BUB1B: variants seen among roughly 807,000 people sequenced by gnomAD.
BUB1B encodes mitotic checkpoint serine/threonine-protein kinase BUB1 beta.
BUB1B carries 86 observed loss-of-function variants against 137.7 expected under a neutral mutation model. That is an observed-to-expected ratio of 0.62 (90% CI 0.52 to 0.75). The LOEUF is 0.75. Among genes scored for constraint, BUB1B ranks in the 30% least tolerant of loss-of-function variants. BUB1B has a pLI of 0.00. For synonymous variants in BUB1B, 420 were observed against 417.9 expected (o/e 1.00, Z -0.06); for missense variants, 1,130 against 1,236.9 (o/e 0.91, Z 1.30).
chr15:40,170,194 G>A, intron 3 of BUB1B, 73 bp downstream of exon 3: 1 of 1,404,272 alleles, frequency 7.1e-7, no homozygotes. Context: ...TTCTCAAATT[G>A]GGGTATATGG....
intron 9 of BUB1B, among the ~76,000 whole-genome samples, chr15:40,197,046 A>C (rs2037507517): frequency 1.3e-5 from 2 of 152,212 alleles, no homozygotes; most frequent in African/African-American, 4.8e-5. Context: ...TAAAGGAAGA[A>C]GTTCTGAACT....
intron 2 of BUB1B, among the ~76,000 whole-genome samples, chr15:40,166,002 G>A (rs983071990): frequency 3.3e-5 from 5 of 152,076 alleles, no homozygotes; most frequent in East Asian, 1.9e-4. Flanking sequence ...ACAGGCGTGC[G>A]CCGCCACGCC....
intron 8 of BUB1B, among the ~76,000 whole-genome samples, chr15:40,187,314 G>GACGGGATTTCACCGTGTT (rs1286906452): frequency 1.3e-4 from 20 of 151,946 alleles, no homozygotes; most frequent in Admixed American, 5.9e-4. Context: ...TTTTAGTAGA[G>GACGGGATTTCACCGTGTT]ACGGGATTTC....
intron 8 of BUB1B, among the ~76,000 whole-genome samples, chr15:40,186,644 A>C (rs1158896954): frequency 3.4e-5 from 5 of 147,742 alleles, no homozygotes. Context: ...ACGGGGTTTC[A>C]CCGTGTTAGC....
chr15:40,220,684 A>T lies in BUB1B; in HGVS notation c.3078A>T (p.Thr1026=). ...AAEMNGVFDT[T]FQSHLNKALW... ...AAATGAATGGGGTTTTTGACACTAC[A>T]TTCCAAAGTCACCTGAACAAAGCCT... The change falls in exon 23 of 23, where the codon ACA becomes ACT. Residue 1026 remains threonine (T), a synonymous_variant. Transcript: ENST00000287598. 1 of 1,614,222 alleles carries T rather than the reference A, an allele frequency of 6.2e-7. No homozygotes were observed. Among genetic ancestry groups the T allele is most frequent in the East Asian group, 2.2e-5 (1 of 44,890 alleles).
At chr15:40,182,738 T>C (rs2037309399) in intron 5 of BUB1B, among the ~76,000 whole-genome samples, 1 of 152,236 alleles carries the variant, frequency 6.6e-6, no homozygotes, top group Non-Finnish European at 1.5e-5. Flanking sequence ...CCCATATTCT[T>C]TGGCCTTCAG....
chr15:40,218,591 G>A, intron 22 of BUB1B, 29 bp downstream of exon 22: 1 of 1,507,016 alleles, frequency 6.6e-7, no homozygotes, highest in Non-Finnish European at 9.2e-7. Flanking sequence ...CAGGGTCTCT[G>A]CCTGTCCCAA....
chr15:40,190,980 C>T (rs894367994), intron 8 of BUB1B, among the ~76,000 whole-genome samples: 3 of 151,882 alleles, frequency 2.0e-5, no homozygotes, highest in Non-Finnish European at 4.4e-5. Flanking sequence ...CTCAGCTTCC[C>T]GGGTTCAACC....
At chr15:40,168,940 A>G (rs1001355707) in intron 2 of BUB1B, among the ~76,000 whole-genome samples, 6 of 152,194 alleles carry the variant, frequency 3.9e-5, no homozygotes, top group Admixed American at 1.3e-4. Flanking sequence ...AGCCTTTACT[A>G]TCCATTCTTG....
chr15:40,217,676 A>G lies in BUB1B; in HGVS notation c.2850+9A>G, dbSNP rs760887408. The G allele has an allele frequency of 5.6e-6, 9 of 1,614,176 alleles. No homozygotes were observed. The highest frequency in any genetic ancestry group is 7.6e-6 in the Non-Finnish European group (9 of 1,179,988). ...GTTCTTCTCCCTACCAGGTAAGTGTAAAACAAGCCTGAGCAAATATGGAGA... is the reference window on the plus strand; with the variant it reads ...GTTCTTCTCCCTACCAGGTAAGTGTGAAACAAGCCTGAGCAAATATGGAGA... On this transcript the variant is annotated intron_variant, in intron 21 of 22. Transcript: ENST00000287598.
chr15:40,196,180 A>G (rs904488466), intron 8 of BUB1B, among the ~76,000 whole-genome samples: 5 of 152,122 alleles, frequency 3.3e-5, no homozygotes, highest in African/African-American at 1.2e-4. Flanking sequence ...AGAGAGGAGG[A>G]TCTAGTTTCA....
chr15:40,199,863 A>G, intron 10 of BUB1B, 136 bp downstream of exon 10: 1 of 726,840 alleles, frequency 1.4e-6, no homozygotes, highest in Non-Finnish European at 2.4e-6. Context: ...GTAGCCGGAA[A>G]GTTGAGCGGG....
chr15:40,188,988 G>A (rs1319069710), intron 8 of BUB1B, among the ~76,000 whole-genome samples: 1 of 151,770 alleles, frequency 6.6e-6, no homozygotes, highest in African/African-American at 2.4e-5. Flanking sequence ...CAATTTTAGA[G>A]CATTTTTATC....
intron 5 of BUB1B, among the ~76,000 whole-genome samples, chr15:40,177,445 G>A (rs2037235762): frequency 6.6e-6 from 1 of 152,020 alleles, no homozygotes; most frequent in Non-Finnish European, 1.5e-5. Flanking sequence ...GCATATTAAT[G>A]TTCATTTGTT....
chr15:40,206,579 C>CT, intron 15 of BUB1B, 121 bp downstream of exon 15: 1 of 1,272,540 alleles, frequency 7.9e-7, no homozygotes, highest in Non-Finnish European at 1.1e-6. Context: ...GTGCTAAGTG[C>CT]TTTACATGAG....
chr15:40,196,064 G>A (rs1454288763), intron 8 of BUB1B, among the ~76,000 whole-genome samples: 1 of 152,194 alleles, frequency 6.6e-6, no homozygotes, highest in Non-Finnish European at 1.5e-5. Context: ...CGAAGCCAAT[G>A]TCTAGGAGGG....
Position 40,180,251 on chromosome 15 carries a change from C to CTTTTTTTTTTTTTTTTTTTT in BUB1B, c.582-3462_582-3443dup. 2.2e-5 allele frequency among the ~76,000 whole-genome samples: 2 copies of CTTTTTTTTTTTTTTTTTTTT among 90,508 alleles called. 1 individual carries two copies. The highest frequency in any genetic ancestry group is 8.8e-5 in the African/African-American group (2 of 22,608). The allele number at this position is 90,508 out of a possible 152,430, so 59.4% of individuals were successfully genotyped here. A position where few individuals can be genotyped will look rare whatever the true frequency, so the allele number is the denominator to read the frequency against. On this transcript the variant is annotated intron_variant, in intron 5 of 22. Coordinates refer to ENST00000287598, the MANE Select transcript of BUB1B (RefSeq NM_001211.6). ...AGAATTCTGGGTCAACGTTTCGTTTCTTTTTTTTTTTTTTTTTTTTGAGAT... is the reference window on the plus strand; with the variant it reads ...AGAATTCTGGGTCAACGTTTCGTTTCTTTTTTTTTTTTTTTTTTTTTTTTTTTTTTTTTTTTTTTTGAGAT...
At chr15:40,217,433 C>A in intron 20 of BUB1B, 63 bp from the exon 21 acceptor site, 2 of 1,540,332 alleles carry the variant, frequency 1.3e-6, no homozygotes, top group Non-Finnish European at 1.8e-6. Context: ...TTTTTAAAGA[C>A]CAGCTATGCA....
At chr15:40,201,628 C>T (rs1041721187) in intron 12 of BUB1B, among the ~76,000 whole-genome samples, 27 of 152,258 alleles carry the variant, frequency 1.8e-4, no homozygotes, top group African/African-American at 4.1e-4. Flanking sequence ...CTTAACTCTG[C>T]ATTCCCAATT....
Sources: allele counts gnomAD v4.1 joint callset (sites outside exome capture counted in the v4.1 genomes callset), GRCh38; gene constraint gnomAD v4.1.1; transcripts MANE v1.5; gene names NCBI Gene and HGNC (gene_info 2026-07-23, HGNC 2026-07-21).